Variants in IPO11 observed in about 807,000 individuals in gnomAD.
IPO11 encodes importin-11.
A neutral mutation model predicts 143.2 loss-of-function variants in IPO11; 66 were observed. The observed-to-expected ratio is 0.46, with a 90% CI of 0.38 to 0.57. The LOEUF is 0.57. IPO11 is among the 20% of genes least tolerant of loss of function. IPO11 has a pLI of 0.00. For missense variants in IPO11, 1,026 were observed against 1,141.0 expected, an observed-to-expected ratio of 0.90 and a Z score of 1.45; for synonymous variants, 385 against 377.8, an observed-to-expected ratio of 1.02 and a Z score of -0.22.
intron 29 of IPO11, among the ~76,000 whole-genome samples, chr5:62,621,339 GA>G (rs1019232406): frequency 1.3e-5 from 2 of 152,076 alleles, no homozygotes; most frequent in Admixed American, 1.3e-4. Flanking sequence ...GGCAAAAATG[GA>G]AAAAAACTCA....
chr5:62,468,909 A>G (rs899939154), intron 6 of IPO11, among the ~76,000 whole-genome samples: 1 of 152,168 alleles, frequency 6.6e-6, no homozygotes, highest in Non-Finnish European at 1.5e-5. Context: ...CTGAATTTAC[A>G]CTTACGTGCA....
chr5:62,479,150 T>C (rs879108322), intron 9 of IPO11, among the ~76,000 whole-genome samples: 1 of 152,126 alleles, frequency 6.6e-6, no homozygotes, highest in East Asian at 1.9e-4. Context: ...AGTGTTCTCA[T>C]TGTTCGATTC....
chr5:62,488,867 GTGGT>G (rs1270944652), intron 13 of IPO11, among the ~76,000 whole-genome samples: 156 of 152,262 alleles, frequency 1.0e-3, no homozygotes, highest in African/African-American at 3.6e-3. Context: ...GCTGGGCCTG[GTGGT>G]TAGTACCTGT....
chr5:62,619,208 G>A (rs902479191), intron 29 of IPO11, among the ~76,000 whole-genome samples: 1 of 152,202 alleles, frequency 6.6e-6, no homozygotes, highest in Non-Finnish European at 1.5e-5. Context: ...CAGCCTGGGA[G>A]ACACAGCGAG....
At chr5:62,525,366 T>C (rs890515312) in intron 20 of IPO11, among the ~76,000 whole-genome samples, 1 of 148,460 alleles carries the variant, frequency 6.7e-6, no homozygotes, top group Non-Finnish European at 1.5e-5. Flanking sequence ...CTTTTTTTTT[T>C]TTTGTGTGTG....
intron 15 of IPO11, among the ~76,000 whole-genome samples, chr5:62,492,936 A>G (rs745523815): frequency 1.1e-4 from 17 of 152,198 alleles, no homozygotes; most frequent in African/African-American, 1.7e-4. Flanking sequence ...ATTTATACCC[A>G]GAAATATTTA....
chr5:62,607,926 C>G (rs1745786510), intron 29 of IPO11, among the ~76,000 whole-genome samples: 1 of 152,050 alleles, frequency 6.6e-6, no homozygotes. Context: ...AAGCGATTCT[C>G]CTGCTTCAGC....
In IPO11 at chr5:62,622,041, G is replaced by GT. The variant is rs367581245; in HGVS notation, c.2764-5103dup. Among the ~76,000 whole-genome samples, 116 of 148,912 alleles carry GT rather than the reference G, an allele frequency of 7.8e-4. 1 individual carries two copies. Among genetic ancestry groups the GT allele is most frequent in the South Asian group, 4.9e-3 (23 of 4,662 alleles). ...AGAGCTTGTAATTAGTAGCTGAAGGGTTTTTTTTTTCTTTTAAGTGTTACA... is the reference window on the plus strand; with the variant it reads ...AGAGCTTGTAATTAGTAGCTGAAGGGTTTTTTTTTTTCTTTTAAGTGTTACA... On this transcript the variant is annotated intron_variant, in intron 29 of 29. Transcript: ENST00000325324.
At chr5:62,579,471 A>G (rs943743717) in intron 27 of IPO11, 28 of 1,550,736 alleles carry the variant, frequency 1.8e-5, no homozygotes, top group African/African-American at 2.7e-5. Context: ...TGCCTTGCCT[A>G]CGACTGTTTC....
In IPO11 at chr5:62,483,113, T is replaced by G; in HGVS notation, c.841T>G (p.Leu281Val). Reference sequence around the variant, plus strand: ...TATTTTTCTACAGCTTTTGGACTTCTTGGATCAGCATCCTTTTTCATTTAC... The same window carrying G: ...TATTTTTCTACAGCTTTTGGACTTCGTGGATCAGCATCCTTTTTCATTTAC... Reference protein sequence around the residue: ...ILFTKVLLDFLDQHPFSFTPL... With the variant: ...ILFTKVLLDFVDQHPFSFTPL... Residue 281 changes from leucine (L) to valine (V), a missense_variant, in exon 10 of 30, where the codon TTG becomes GTG. Around this residue, in one of 5 missense-constraint regions of IPO11, gnomAD observed 429 missense variants for 456.3 expected, o/e 0.94. Coordinates refer to ENST00000325324, the MANE Select transcript of IPO11 (RefSeq NM_016338.5). 1.3e-6 allele frequency: 2 copies of G among 1,593,048 alleles called. No individual in the cohort carries two copies. Among genetic ancestry groups the G allele is most frequent in the Non-Finnish European group, 1.7e-6 (2 of 1,167,560 alleles).
chr5:62,527,080 A>G (rs32185), intron 21 of IPO11, among the ~76,000 whole-genome samples: 13,729 of 152,264 alleles, frequency 0.09, 672 homozygotes, highest in East Asian at 0.14. Flanking sequence ...CTTTATCAGA[A>G]TATGAGATGA....
At chr5:62,553,363 T>TGA (rs1743460465) in intron 26 of IPO11, among the ~76,000 whole-genome samples, 1 of 151,542 alleles carries the variant, frequency 6.6e-6, no homozygotes, top group Non-Finnish European at 1.5e-5. Context: ...TGTGTGTGTG[T>TGA]GATATTTTCT....
intron 5 of IPO11, among the ~76,000 whole-genome samples, chr5:62,462,535 A>T (rs187731230): frequency 1.8e-4 from 27 of 152,118 alleles, no homozygotes; most frequent in Non-Finnish European, 3.7e-4. Flanking sequence ...ATTAAAAAAA[A>T]TACTGTTTTT....
chr5:62,547,529 C>T (rs958356537), intron 24 of IPO11, among the ~76,000 whole-genome samples: 2 of 152,152 alleles, frequency 1.3e-5, no homozygotes, highest in African/African-American at 4.8e-5. Context: ...CCCATACCCT[C>T]TGCACCCAAG....
chr5:62,551,327 T>G lies in IPO11; in HGVS notation c.2451T>G (p.Phe817Leu). The G allele has an allele frequency of 6.5e-7, 1 of 1,529,110 alleles. No individual in the cohort carries two copies. Among genetic ancestry groups the G allele is most frequent in the Non-Finnish European group, 9.1e-7 (1 of 1,104,906 alleles). The allele number at this position is 1,529,110 out of a possible 1,614,324, so 94.7% of individuals were successfully genotyped here. The change falls in exon 26 of 30, where the codon TTT (phenylalanine) becomes TTG (leucine). Residue 817 changes from phenylalanine (F) to leucine (L), a missense_variant. Physicochemically the swap from Phe to Leu is conservative, Grantham distance 22 (BLOSUM62 0). Transcript: ENST00000325324. ...TACTTAATGAGATGGCCCATAAATT[T>G]AATCAGGAGGTAAGAATCAATATAC... The part of the protein sequence containing the change: ...SSLLNEMAHK[F>L]NQEMDQLLGN...
chr5:62,494,797 A>G (rs961014272), intron 16 of IPO11, among the ~76,000 whole-genome samples: 5 of 152,036 alleles, frequency 3.3e-5, no homozygotes, highest in Non-Finnish European at 5.9e-5. Flanking sequence ...CTTAATATAC[A>G]TGTTCGCTGT....
chr5:62,552,442 T>TA (rs2112351288), intron 26 of IPO11, among the ~76,000 whole-genome samples: 1 of 151,626 alleles, frequency 6.6e-6, no homozygotes, highest in South Asian at 2.1e-4. Context: ...CTTATTAATT[T>TA]TAATTGAAAT....
intron 21 of IPO11, among the ~76,000 whole-genome samples, chr5:62,528,321 G>C (rs1225905954): frequency 6.6e-6 from 1 of 152,152 alleles, no homozygotes; most frequent in Non-Finnish European, 1.5e-5. Flanking sequence ...GAAGATGATA[G>C]GAGGGTTTTC....
intron 27 of IPO11, among the ~76,000 whole-genome samples, chr5:62,569,311 T>C (rs969911094): frequency 2.0e-5 from 3 of 152,224 alleles, no homozygotes; most frequent in Non-Finnish European, 4.4e-5. Flanking sequence ...CAATGTGCCC[T>C]TTCTTGTTCT....
Sources: allele counts gnomAD v4.1 joint callset (sites outside exome capture counted in the v4.1 genomes callset), GRCh38; gene constraint gnomAD v4.1.1; regional missense constraint gnomAD v4.1.1; transcripts MANE v1.5; gene names NCBI Gene and HGNC (gene_info 2026-07-23, HGNC 2026-07-21).